Variants in DNAH17 observed in about 807,000 individuals in gnomAD.
The protein encoded by DNAH17 is axonemal beta dynein heavy chain 17.
Under a neutral mutation model 485.6 loss-of-function variants are expected in DNAH17, and 376 were observed. The ratio of observed to expected loss-of-function variants is 0.77; its 90% CI spans 0.71 to 0.84. DNAH17 has a LOEUF of 0.84. DNAH17 is among the 40% of genes least tolerant of loss of function. The probability of loss-of-function intolerance (pLI) is 0.00; values close to 1 mark genes in which losing one functional copy is unlikely to be tolerated. For synonymous variants in DNAH17, 3,031 were observed against 2,405.9 expected, an observed-to-expected ratio of 1.26 and a Z score of -7.60; for missense variants, 6,370 against 5,839.3, an observed-to-expected ratio of 1.09 and a Z score of -2.96.
intron 44 of DNAH17, chr17:78,489,915 G>A (rs2089776388): frequency 6.6e-6 from 1 of 152,040 alleles, no homozygotes; most frequent in Non-Finnish European, 1.5e-5. Flanking sequence ...CTCCTCTGGA[G>A]CCTCTTGCCT....
intron 42 of DNAH17, among the ~76,000 whole-genome samples, chr17:78,491,960 A>C (rs1368194988): frequency 6.6e-6 from 1 of 152,200 alleles, no homozygotes; most frequent in Non-Finnish European, 1.5e-5. Flanking sequence ...TCAGGCATGG[A>C]ATGGAGCAAG....
chr17:78,504,982 G>T (rs563828918), intron 31 of DNAH17, among the ~76,000 whole-genome samples: 37 of 135,148 alleles, frequency 2.7e-4, no homozygotes, highest in African/African-American at 1.0e-3. Context: ...CTTGGCTCAC[G>T]GCAACCTCTG....
chr17:78,546,255 A>T (rs1464371811), intron 16 of DNAH17, among the ~76,000 whole-genome samples: 1 of 152,220 alleles, frequency 6.6e-6, no homozygotes, highest in African/African-American at 2.4e-5. Flanking sequence ...AAAGGTCAAA[A>T]ATGGTCAATT....
intron 55 of DNAH17, among the ~76,000 whole-genome samples, chr17:78,467,071 G>A (rs945739297): frequency 6.6e-6 from 1 of 152,232 alleles, no homozygotes; most frequent in Non-Finnish European, 1.5e-5. Context: ...TCTAAAAAAG[G>A]CCGGGCAAAG....
chr17:78,560,689 T>G (rs1415502778), intron 13 of DNAH17, 51 bp downstream of exon 13: 1 of 1,487,324 alleles, frequency 6.7e-7, no homozygotes, highest in Non-Finnish European at 9.0e-7. Context: ...TGGCAGGCCC[T>G]CCCCCCGCTC....
At chr17:78,501,428 C>G in intron 34 of DNAH17, 84 bp from the exon 35 acceptor site, 1 of 1,471,796 alleles carries the variant, frequency 6.8e-7, no homozygotes. Context: ...CCTCCAAGGC[C>G]GGTCCCCTGC....
Position 78,492,748 on chromosome 17 carries a change from G to T in DNAH17, c.6426C>A (p.Asn2142Lys). Residue 2142 changes from asparagine to lysine, a missense_variant, in exon 42 of 81, where the codon AAC (asparagine) becomes AAA (lysine). Transcript: ENST00000389840. ...TCCTCTTCAGGTTCTGATAGGTCTT[G>T]TTGAGGGATTTGAGGACCTGGCGAA... ...SGKSQVLKSL[N>K]KTYQNLKRKP... 1 of 1,611,852 alleles carries T rather than the reference G, an allele frequency of 6.2e-7. No individual in the cohort carries two copies.
At chr17:78,488,456 C>G (rs545158629) in intron 44 of DNAH17, among the ~76,000 whole-genome samples, 1 of 152,302 alleles carries the variant, frequency 6.6e-6, no homozygotes, top group Non-Finnish European at 1.5e-5. Flanking sequence ...CCTTGGCCCA[C>G]GCTGCCTTCG....
At chr17:78,534,083 G>T (rs187653487) in intron 19 of DNAH17, among the ~76,000 whole-genome samples, 3 of 152,334 alleles carry the variant, frequency 2.0e-5, no homozygotes, top group African/African-American at 4.8e-5. Context: ...ATAGCAAAAG[G>T]CTCATCTGGG....
At chr17:78,521,773 G>T (rs2090940498) in intron 25 of DNAH17, among the ~76,000 whole-genome samples, 1 of 152,182 alleles carries the variant, frequency 6.6e-6, no homozygotes, top group Non-Finnish European at 1.5e-5. Flanking sequence ...CATTGCCTGA[G>T]CTTAGGAATT....
intron 66 of DNAH17, 126 bp downstream of exon 66, chr17:78,451,343 G>C: frequency 1.2e-6 from 1 of 817,310 alleles, no homozygotes; most frequent in Non-Finnish European, 1.9e-6. Context: ...ACACACTGAG[G>C]CACCTTCAGA....
chr17:78,465,587 A>G (rs12946594), intron 56 of DNAH17, among the ~76,000 whole-genome samples: 23 of 132,526 alleles, frequency 1.7e-4, no homozygotes, highest in African/African-American at 5.0e-4. Context: ...CCGCCGCCCC[A>G]TCTGGGATGT....
chr17:78,451,931 C>A (rs766845238), intron 65 of DNAH17, among the ~76,000 whole-genome samples: 1 of 151,946 alleles, frequency 6.6e-6, no homozygotes, highest in African/African-American at 2.4e-5. Flanking sequence ...ACCCCTCTGG[C>A]GATACTCTGT....
At chr17:78,430,157 C>G (rs1407821440) in intron 75 of DNAH17, among the ~76,000 whole-genome samples, 1 of 152,218 alleles carries the variant, frequency 6.6e-6, no homozygotes, top group Non-Finnish European at 1.5e-5. Flanking sequence ...GGCCCTTGTT[C>G]TTCCCGCCTC....
chr17:78,468,875 G>C lies in DNAH17; in HGVS notation c.8520C>G (p.Leu2840=). The C allele has an allele frequency of 6.2e-7, 1 of 1,613,070 alleles. No individual in the cohort carries two copies. Residue 2840 remains leucine (L), a synonymous_variant, in exon 55 of 81, where the codon CTC becomes CTG. Transcript: ENST00000389840. ...CGGCAGCCTTTATGTACTGAGCAGC[G>C]AGGTCAATCTGGACGGAGTGAGGAC... is the stretch of plus-strand genomic sequence containing the variant. ...GYGIPDLKID[L]AAQYIKAAVK...
In DNAH17 at chr17:78,507,599, C is replaced by T. The variant is rs191057104; in HGVS notation, c.4443G>A (p.Thr1481=). 2.4e-5 allele frequency: 38 copies of T among 1,614,138 alleles called. No individual in the cohort carries two copies. The highest frequency in any genetic ancestry group is 1.3e-4 in the African/African-American group (10 of 75,046). ...ACCAGATGGAGATGACGGAGTCCGC[C>T]GTGGACAGCTTCTGCTGCCAGCTTG... ...EVTSWQQKLS[T]ADSVISIWFE... Residue 1481 remains threonine, a synonymous_variant, in exon 28 of 81, where the codon ACG becomes ACA. Transcript: ENST00000389840.
chr17:78,424,643 C>G (rs1052425300), intron 80 of DNAH17: 1 of 155,756 alleles, frequency 6.4e-6, no homozygotes, highest in African/African-American at 2.4e-5. Context: ...TCAAAATAAA[C>G]AAACATGGAG....
At position 78,529,712 on chromosome 17, in the gene DNAH17, C is replaced by T. The variant is rs754371025; in HGVS notation, c.3285-18G>A. On this transcript the variant is annotated intron_variant, in intron 21 of 80. Transcript: ENST00000389840. ...CAGCCAGGCTAAGGGACAAGGGGAC[C>T]ATTTGTGTGGCCCCAGCCCCCCTTA... 11 of 1,612,414 alleles carry T rather than the reference C, an allele frequency of 6.8e-6. No homozygotes were observed. The highest frequency in any genetic ancestry group is 9.3e-6 in the Non-Finnish European group (11 of 1,178,790).
intron 75 of DNAH17, among the ~76,000 whole-genome samples, chr17:78,432,578 T>C (rs72907460): frequency 0.17 from 25,203 of 152,196 alleles, 2,198 homozygotes; most frequent in Middle Eastern, 0.21. Flanking sequence ...GGGAGGTCGT[T>C]GTCCTCCAGT....
Sources: allele counts gnomAD v4.1 joint callset (sites outside exome capture counted in the v4.1 genomes callset), GRCh38; gene constraint gnomAD v4.1.1; transcripts MANE v1.5; gene names NCBI Gene and HGNC (gene_info 2026-07-23, HGNC 2026-07-21).